Variants in NRP1 observed in about 807,000 individuals in gnomAD.
The protein encoded by NRP1 is neuropilin 1, also known as neuropilin-1.
Under a neutral mutation model 106.7 loss-of-function variants are expected in NRP1, and 35 were observed. The ratio of observed to expected loss-of-function variants is 0.33; its 90% CI spans 0.25 to 0.43. The LOEUF (loss-of-function observed/expected upper bound fraction) is 0.43, where lower values mean the gene tolerates loss of function less well. Ranked by LOEUF, NRP1 falls within the 20% of genes least tolerant of loss-of-function variation. The pLI is 1.00. For missense variants in NRP1, 1,024 were observed against 1,170.4 expected, an observed-to-expected ratio of 0.87 and a Z score of 1.83; for synonymous variants, 437 against 417.9, an observed-to-expected ratio of 1.05 and a Z score of -0.56.
rs562364995 is a variant in NRP1 at position 33,198,520 on chromosome 10, A to C, written c.1865-811T>G. 3.3e-5 allele frequency among the ~76,000 whole-genome samples: 5 copies of C among 152,026 alleles called. No individual in the cohort carries two copies. The South Asian group carries it at 1.0e-3, about 32-fold the overall frequency. On this transcript the variant is annotated intron_variant, in intron 11 of 16. Coordinates refer to ENST00000374867, the MANE Select transcript of NRP1 (RefSeq NM_003873.7). ...GAAGGCACCCAGAAATTGGGACTTC[A>C]CTCCACGGGCACTCACTGATTCCCA...
chr10:33,251,045 C>A (rs913940262), intron 6 of NRP1, among the ~76,000 whole-genome samples: 2 of 152,066 alleles, frequency 1.3e-5, no homozygotes, highest in Non-Finnish European at 2.9e-5. Context: ...GTGTCCCCAC[C>A]CAAATCTCAT....
At chr10:33,310,914 C>G (rs2776934) in intron 2 of NRP1, among the ~76,000 whole-genome samples, 20,501 of 152,052 alleles carry the variant, frequency 0.13, 1,636 homozygotes, top group East Asian at 0.29. Context: ...TCAATTTGTG[C>G]CACTTGAAGA....
intron 9 of NRP1, among the ~76,000 whole-genome samples, chr10:33,209,992 T>C (rs762678661): frequency 2.0e-5 from 3 of 152,168 alleles, no homozygotes; most frequent in Non-Finnish European, 4.4e-5. Context: ...ACCAGCCTAA[T>C]ATGTGCTTGT....
chr10:33,252,363 G>A (rs11009324), intron 6 of NRP1, among the ~76,000 whole-genome samples: 10,581 of 152,206 alleles, frequency 0.07, 1,153 homozygotes, highest in African/African-American at 0.24. Flanking sequence ...TGATAAGGAA[G>A]GGGGTCTAAT....
Position 33,203,991 on chromosome 10 carries a change from C to T in NRP1, c.1760-996G>A, listed in dbSNP as rs1378581306. Among the ~76,000 whole-genome samples, 6 of 151,740 alleles carry T rather than the reference C, an allele frequency of 4.0e-5. 1 individual carries two copies. The highest frequency in any genetic ancestry group is 5.9e-5 in the Non-Finnish European group (4 of 67,966). On this transcript the variant is annotated intron_variant, in intron 10 of 16. Transcript: ENST00000374867. ...TCCTGACCTCATGATCCACCCGCCT[C>T]GGCCTCCCAACAAAGACTGCTTTTG...
chr10:33,280,559 TG>T (rs1337543435), intron 2 of NRP1, among the ~76,000 whole-genome samples: 5 of 152,230 alleles, frequency 3.3e-5, no homozygotes, highest in Non-Finnish European at 5.9e-5. Flanking sequence ...TTTCATGGAT[TG>T]TCTCTAGAAG....
At chr10:33,249,382 C>G (rs1027703542) in intron 6 of NRP1, 12 of 482,640 alleles carry the variant, frequency 2.5e-5, no homozygotes, top group African/African-American at 2.4e-4. Context: ...CTCTGAGATT[C>G]ATAGATCACA....
chr10:33,185,655 T>C lies in NRP1; in HGVS notation c.2404A>G (p.Asn802Asp). ...GIAVDDISIN[N>D]HISQEDCAKP... Reference sequence around the variant, plus strand: ...GCACAATCTTCTTGTGAAATGTGGTTATTAATACTAATGTCATCCACAGCA... The same window carrying C: ...GCACAATCTTCTTGTGAAATGTGGTCATTAATACTAATGTCATCCACAGCA... The change falls in exon 15 of 17, where the codon AAC becomes GAC. Residue 802 changes from asparagine (N) to aspartate (D), a missense_variant. By Grantham distance (23) the Asn-to-Asp change is conservative (BLOSUM62 1). This residue lies in a region of NRP1 where 164 missense variants were observed against 161.4 expected (regional missense o/e 1.02). Coordinates refer to ENST00000374867, the MANE Select transcript of NRP1 (RefSeq NM_003873.7). 6.2e-7 allele frequency: 1 copy of C among 1,614,086 alleles called. No individual in the cohort carries two copies. Among genetic ancestry groups the C allele is most frequent in the Non-Finnish European group, 8.5e-7 (1 of 1,179,918 alleles).
chr10:33,206,868 G>A (rs775076713), intron 10 of NRP1, among the ~76,000 whole-genome samples: 10 of 152,168 alleles, frequency 6.6e-5, no homozygotes, highest in Non-Finnish European at 1.3e-4. Flanking sequence ...GGGTCAGTGC[G>A]TGGACTGAAT....
chr10:33,306,403 T>C (rs974482743), intron 2 of NRP1, among the ~76,000 whole-genome samples: 1 of 148,322 alleles, frequency 6.7e-6, no homozygotes, highest in African/African-American at 2.5e-5. Context: ...CCTGCATCTA[T>C]GTAAGATCTG....
chr10:33,275,365 G>A lies in NRP1; in HGVS notation c.249-4509C>T, dbSNP rs184531110. On this transcript the variant is annotated intron_variant, in intron 2 of 16. Coordinates refer to ENST00000374867, the MANE Select transcript of NRP1 (RefSeq NM_003873.7). ...GGGTGGATCACGAGGTCAGGAGATC[G>A]AGACCATCCTGGCTAACATGGTAAA... Among the ~76,000 whole-genome samples the A allele has an allele frequency of 2.3e-3, 344 of 152,154 alleles. 1 individual carries two copies. The highest frequency in any genetic ancestry group is 8.0e-3 in the African/African-American group (333 of 41,492).
Position 33,197,638 on chromosome 10 carries a change from T to C in NRP1, c.1924+12A>G, listed in dbSNP as rs759794760. 9 of 1,594,014 alleles carry C rather than the reference T, an allele frequency of 5.6e-6. No individual in the cohort carries two copies. The South Asian group carries it at 8.1e-5, about 14-fold the overall frequency. The stretch of plus-strand genomic sequence containing the variant: ...ACATGGAATCTGTCACATTTCGTAT[T>C]TTATTTGATACCTGATTGTATGGTG... On this transcript the variant is annotated intron_variant, in intron 12 of 16. Coordinates refer to ENST00000374867, the MANE Select transcript of NRP1 (RefSeq NM_003873.7).
intron 4 of NRP1, among the ~76,000 whole-genome samples, chr10:33,263,232 T>A (rs993983618): frequency 6.6e-6 from 1 of 152,230 alleles, no homozygotes; most frequent in Admixed American, 6.5e-5. Flanking sequence ...AGGTCCTTGG[T>A]CTCTGCATTT....
At chr10:33,239,141 A>C (rs1315873593) in intron 6 of NRP1, among the ~76,000 whole-genome samples, 1 of 151,944 alleles carries the variant, frequency 6.6e-6, no homozygotes, top group Non-Finnish European at 1.5e-5. Context: ...ATATAAGAAA[A>C]TTAGCCAGGT....
At chr10:33,268,964 A>T (rs1423988884) in intron 3 of NRP1, among the ~76,000 whole-genome samples, 1 of 152,186 alleles carries the variant, frequency 6.6e-6, no homozygotes, top group Non-Finnish European at 1.5e-5. Context: ...AATGTAAAGA[A>T]GTTGTCGCAA....
At chr10:33,306,477 C>T (rs569035811) in intron 2 of NRP1, among the ~76,000 whole-genome samples, 1 of 152,128 alleles carries the variant, frequency 6.6e-6, no homozygotes, top group Admixed American at 6.5e-5. Flanking sequence ...ATTCAAAGCA[C>T]CTTCAGAAGC....
intron 6 of NRP1, among the ~76,000 whole-genome samples, chr10:33,248,836 A>G (rs1450394044): frequency 6.6e-6 from 1 of 152,202 alleles, no homozygotes; most frequent in Non-Finnish European, 1.5e-5. Flanking sequence ...TACCAACCCA[A>G]ACAGGATGTG....
intron 2 of NRP1, among the ~76,000 whole-genome samples, chr10:33,289,306 C>CA (rs1348209056): frequency 1.3e-5 from 2 of 152,176 alleles, no homozygotes; most frequent in African/African-American, 4.8e-5. Context: ...AAGGGCATGC[C>CA]AAATACTTAG....
intron 13 of NRP1, among the ~76,000 whole-genome samples, chr10:33,188,137 A>T (rs75983635): frequency 6.6e-6 from 1 of 152,222 alleles, no homozygotes; most frequent in African/African-American, 2.4e-5. Context: ...TTTCACTGTG[A>T]TGAATCCACC....
Sources: gnomAD v4.1 joint callset for allele counts (sites outside exome capture counted in the v4.1 genomes callset) on GRCh38, gnomAD v4.1.1 for gene constraint, gnomAD v4.1.1 regional missense constraint, MANE v1.5 for transcripts, NCBI Gene and HGNC (gene_info 2026-07-23, HGNC 2026-07-21) for gene names.